The following MICAL2 variants were observed in gnomAD, a reference collection of about 807,000 sequenced individuals.
The protein encoded by MICAL2 is [F-actin]-monooxygenase MICAL2.
In MICAL2, 77 loss-of-function variants were observed where a neutral mutation model predicts 127.3. The observed-to-expected ratio is 0.60, with a 90% CI of 0.50 to 0.73. The LOEUF (loss-of-function observed/expected upper bound fraction) is 0.73. Ranked by LOEUF, MICAL2 falls within the 30% of genes least tolerant of loss-of-function variation. MICAL2 has a pLI of 0.00. For synonymous variants in MICAL2, 570 were observed against 551.1 expected, an observed-to-expected ratio of 1.03 and a Z score of -0.48; for missense variants, 1,351 against 1,434.4, an observed-to-expected ratio of 0.94 and a Z score of 0.94.
intron 24 of MICAL2, among the ~76,000 whole-genome samples, chr11:12,270,006 G>A (rs1250473656): frequency 6.6e-6 from 1 of 152,210 alleles, no homozygotes; most frequent in Non-Finnish European, 1.5e-5. Context: ...ACTCTCAGAA[G>A]CCCCCATGAG....
chr11:12,193,539 G>A (rs1590278040), intron 3 of MICAL2, among the ~76,000 whole-genome samples: 1 of 152,186 alleles, frequency 6.6e-6, no homozygotes, highest in Admixed American at 6.5e-5. Flanking sequence ...ATGAGGTGGT[G>A]CCAGTAGAGG....
chr11:12,324,331 G>A lies in MICAL2; in HGVS notation c.5421+261G>A, dbSNP rs1469238424. 3.9e-5 allele frequency among the ~76,000 whole-genome samples: 6 copies of A among 152,146 alleles called. No individual in the cohort carries two copies. The East Asian group carries it at 1.2e-3, about 29-fold the overall frequency. On this transcript the variant is annotated intron_variant, in intron 31 of 34. Transcript: ENST00000646065. ...CTCCATCTGCAGACATGTGAGGCTG[G>A]AACAAGAGCCAACGCATGGCCTTGG...
At chr11:12,168,087 G>A (rs879412080) in intron 3 of MICAL2, among the ~76,000 whole-genome samples, 42 of 151,756 alleles carry the variant, frequency 2.8e-4, no homozygotes, top group Non-Finnish European at 4.1e-4. Flanking sequence ...GGAATGCTCA[G>A]GGCCAGGAGT....
intron 31 of MICAL2, chr11:12,327,170 C>T (rs1275993265): frequency 2.6e-6 from 4 of 1,551,388 alleles, no homozygotes; most frequent in South Asian, 2.4e-5. Flanking sequence ...CCTGGTGTTG[C>T]AGGCCATCCA....
At chr11:12,269,473 T>C (rs1863647616) in intron 24 of MICAL2, among the ~76,000 whole-genome samples, 1 of 152,232 alleles carries the variant, frequency 6.6e-6, no homozygotes. Flanking sequence ...CTCTGGAGCC[T>C]GCAGAGCTGT....
Position 12,222,542 on chromosome 11 carries a change from G to C in MICAL2, c.1323-75G>C. 17 of 1,589,146 alleles carry C rather than the reference G, an allele frequency of 1.1e-5. No homozygotes were observed. The South Asian group carries it at 1.9e-4, about 18-fold the overall frequency. On this transcript the variant is annotated intron_variant, in intron 10 of 27. Coordinates refer to ENST00000683283, the MANE Select transcript of MICAL2 (RefSeq NM_001282663.2). ...GAAGCCCTTGAGCCAGAGGAAGGGG[G>C]AAGTAGGGAAGGGTGGGGACAAGGC...
rs1438334840 is a variant in MICAL2 at position 12,261,566 on chromosome 11, C to T, written c.3335-914C>T. On this transcript the variant is annotated intron_variant, in intron 26 of 27. Coordinates refer to ENST00000683283, the MANE Select transcript of MICAL2 (RefSeq NM_001282663.2). ...GCGCAGTGTATCTGGAGTTGCTGGG[C>T]CCAAGATAGCTCTGTGGAGTTATCA... 3.0e-6 allele frequency: 3 copies of T among 985,300 alleles called. No individual in the cohort carries two copies. The African/African-American group carries it at 5.2e-5, about 17-fold the overall frequency. The allele number at this position is 985,300 out of a possible 1,614,324, so 61.0% of individuals were successfully genotyped here. A position where few individuals can be genotyped will look rare whatever the true frequency, so the allele number is the denominator to read the frequency against.
intron 32 of MICAL2, among the ~76,000 whole-genome samples, chr11:12,334,199 A>T (rs1438634768): frequency 6.6e-6 from 1 of 152,168 alleles, no homozygotes; most frequent in African/African-American, 2.4e-5. Context: ...ACCCCTGAAG[A>T]TACCAAAATT....
At chr11:12,270,171 G>A (rs1319218828) in intron 24 of MICAL2, among the ~76,000 whole-genome samples, 1 of 152,160 alleles carries the variant, frequency 6.6e-6, no homozygotes. Flanking sequence ...CATCTTCCTA[G>A]GGCCCTCCCT....
intron 16 of MICAL2, among the ~76,000 whole-genome samples, chr11:12,237,242 A>C (rs997347260): frequency 2.0e-5 from 3 of 152,252 alleles, no homozygotes; most frequent in Non-Finnish European, 4.4e-5. Flanking sequence ...AATATGAACA[A>C]ACCCATTCTA....
chr11:12,307,814 A>T (rs561627319), intron 29 of MICAL2, among the ~76,000 whole-genome samples: 9 of 152,142 alleles, frequency 5.9e-5, no homozygotes, highest in Non-Finnish European at 1.0e-4. Context: ...TGCTCCATTG[A>T]TCTATACAAT....
intron 20 of MICAL2, 142 bp from the exon 21 acceptor site, chr11:12,243,845 G>T (rs1440724744): frequency 5.3e-6 from 5 of 941,630 alleles, no homozygotes; most frequent in East Asian, 2.4e-5. Flanking sequence ...CCAAAGACAG[G>T]GGTTTCTGTG....
downstream of MICAL2, among the ~76,000 whole-genome samples, chr11:12,359,323 G>T (rs1174578233): frequency 2.5e-5 from 2 of 80,006 alleles, no homozygotes; most frequent in African/African-American, 3.4e-5. Flanking sequence ...TTAAATAAGT[G>T]TTGATGATGG....
chr11:12,167,313 G>A (rs964976034), intron 3 of MICAL2, among the ~76,000 whole-genome samples: 2 of 152,276 alleles, frequency 1.3e-5, no homozygotes, highest in South Asian at 2.1e-4. Context: ...TGTATTTTAT[G>A]AGTATGCAGC....
chr11:12,242,717 T>C lies in MICAL2; in HGVS notation c.2603T>C (p.Ile868Thr). Residue 868 changes from isoleucine (I) to threonine (T), a missense_variant, in exon 20 of 28, where the codon ATT becomes ACT. Physicochemically the swap from Ile to Thr is moderately conservative, Grantham distance 89. Coordinates refer to ENST00000683283, the MANE Select transcript of MICAL2 (RefSeq NM_001282663.2). Reference protein sequence around the residue: ...LANREFHTKNIKEKAAHLASM... With the variant: ...LANREFHTKNTKEKAAHLASM... ...AACAGGGAATTTCACACAAAGAACA[T>C]TAAGGAGAAGGCGGCTCACCTTGCC... The C allele has an allele frequency of 6.2e-7, 1 of 1,612,658 alleles. No individual in the cohort carries two copies. The highest frequency in any genetic ancestry group is 1.1e-5 in the South Asian group (1 of 90,826).
intron 17 of MICAL2, among the ~76,000 whole-genome samples, chr11:12,240,700 C>T (rs536187682): frequency 9.3e-4 from 141 of 152,318 alleles, no homozygotes; most frequent in African/African-American, 3.3e-3. Context: ...AGGTAGACTC[C>T]TGGGCCAGCC....
At chr11:12,212,388 A>G (rs1277149802) in intron 6 of MICAL2, among the ~76,000 whole-genome samples, 1 of 152,154 alleles carries the variant, frequency 6.6e-6, no homozygotes, top group African/African-American at 2.4e-5. Flanking sequence ...AGGTGGGAGG[A>G]TCGCTTGACC....
chr11:12,293,168 T>C (rs1160533176), downstream of MICAL2, among the ~76,000 whole-genome samples: 1 of 152,146 alleles, frequency 6.6e-6, no homozygotes, highest in African/African-American at 2.4e-5. Flanking sequence ...AGACAATGGC[T>C]GAGCAAGAAA....
At chr11:12,130,481 G>C (rs568087338) in intron 1 of MICAL2, among the ~76,000 whole-genome samples, 2 of 152,304 alleles carry the variant, frequency 1.3e-5, no homozygotes, top group East Asian at 3.9e-4. Flanking sequence ...CTAAACCCAG[G>C]GCTCAAAGTC....
Sources: allele counts gnomAD v4.1 joint callset (sites outside exome capture counted in the v4.1 genomes callset), GRCh38; gene constraint gnomAD v4.1.1; transcripts MANE v1.5; gene names NCBI Gene and HGNC (gene_info 2026-07-23, HGNC 2026-07-21).